RASSF2: variants seen among roughly 807,000 people sequenced by gnomAD.
The protein encoded by RASSF2 is ras association domain-containing protein 2.
RASSF2 carries 34 observed loss-of-function variants against 46.3 expected under a neutral mutation model. The ratio of observed to expected loss-of-function variants is 0.73; its 90% CI spans 0.56 to 0.98. RASSF2 has a LOEUF of 0.98. Among genes scored for constraint, RASSF2 ranks in the 50% least tolerant of loss-of-function variants. The pLI, the probability that RASSF2 is intolerant of heterozygous loss-of-function variation, is 0.00. For synonymous variants in RASSF2, 158 were observed against 162.5 expected, an observed-to-expected ratio of 0.97 and a Z score of 0.21; for missense variants, 364 against 431.2, an observed-to-expected ratio of 0.84 and a Z score of 1.38.
At chr20:4,792,800 G>A (rs1311008825) in intron 5 of RASSF2, among the ~76,000 whole-genome samples, 173 bp from the exon 6 acceptor site, 3 of 152,312 alleles carry the variant, frequency 2.0e-5, no homozygotes, top group East Asian at 1.9e-4. Flanking sequence ...GGAGCATCCC[G>A]TGAAAGGCTG....
chr20:4,787,112 C>T (rs540836472), intron 10 of RASSF2, among the ~76,000 whole-genome samples: 15 of 152,070 alleles, frequency 9.9e-5, no homozygotes, highest in Non-Finnish European at 1.9e-4. Context: ...GAATCCCCAC[C>T]CTGCTCTATC....
chr20:4,786,648 G>A (rs921964268), intron 10 of RASSF2, among the ~76,000 whole-genome samples: 1 of 152,262 alleles, frequency 6.6e-6, no homozygotes, highest in Non-Finnish European at 1.5e-5. Context: ...AACCCATTAT[G>A]TTTAATAAAC....
Position 4,784,171 on chromosome 20 carries a change from T to G in RASSF2, c.*102A>C, listed in dbSNP as rs1601076222. Reference sequence around the variant, plus strand: ...GATGGCTTGGCCGGAGCTGGGGAGGTTTGTGTCTAAATGTTTCCATGGAAA... The same window carrying G: ...GATGGCTTGGCCGGAGCTGGGGAGGGTTGTGTCTAAATGTTTCCATGGAAA... On this transcript the variant is annotated 3_prime_UTR_variant, in exon 12 of 12. Transcript: ENST00000379400. 1 of 1,214,008 alleles carries G rather than the reference T, an allele frequency of 8.2e-7. No individual in the cohort carries two copies. Among genetic ancestry groups the G allele is most frequent in the Non-Finnish European group, 1.2e-6 (1 of 826,134 alleles). 75.2% of individuals were successfully genotyped at this position (1,214,008 alleles called of 1,614,324 possible).
rs143048396 is a variant in RASSF2, at chr20:4,803,124, C to T, written c.-32-2062G>A. ...TGGGGTTTTGCCATGTTGCCCAGGC[C>T]GGTCTTGAACTCCTGGACTCAAGCA... is the stretch of plus-strand genomic sequence containing the variant. On this transcript the variant is annotated intron_variant, in intron 2 of 11. Coordinates refer to ENST00000379400, the MANE Select transcript of RASSF2 (RefSeq NM_014737.3). Among the ~76,000 whole-genome samples the T allele has an allele frequency of 2.7e-3, 410 of 151,904 alleles. 2 individuals are homozygous for T. Among genetic ancestry groups the T allele is most frequent in the African/African-American group, 8.4e-3 (348 of 41,426 alleles).
intron 11 of RASSF2, 39 bp from the exon 12 acceptor site, chr20:4,784,381 C>A (rs751809024): frequency 6.3e-7 from 1 of 1,589,960 alleles, no homozygotes; most frequent in Admixed American, 1.7e-5. Flanking sequence ...GAGCAGCCAG[C>A]AACACACCCC....
chr20:4,821,445 G>A (rs1027541486), intron 2 of RASSF2, among the ~76,000 whole-genome samples: 7 of 152,130 alleles, frequency 4.6e-5, no homozygotes, highest in Non-Finnish European at 1.0e-4. Context: ...AGGAAGGCAC[G>A]AAAAGGGACC....
At chr20:4,794,498 C>T (rs1452972674) in intron 5 of RASSF2, among the ~76,000 whole-genome samples, 1 of 151,750 alleles carries the variant, frequency 6.6e-6, no homozygotes, top group African/African-American at 2.4e-5. Flanking sequence ...ACCCGAGAGG[C>T]AGAGGTTGCA....
Position 4,782,254 on chromosome 20 carries a change from G to A in RASSF2, c.*2019C>T, listed in dbSNP as rs965421675. ...GCTAGTGGTTAGTAGTTTGCTTTGT[G>A]GAAATTCTTCTCCCAAGTCCTCCAA... On this transcript the variant is annotated 3_prime_UTR_variant, in exon 12 of 12. Transcript: ENST00000379400. 1.3e-5 allele frequency: 2 copies of A among 152,608 alleles called. No homozygotes were observed. Among genetic ancestry groups the A allele is most frequent in the Admixed American group, 1.3e-4 (2 of 15,286 alleles). 9.5% of individuals were successfully genotyped at this position (152,608 alleles called of 1,614,324 possible). A position where few individuals can be genotyped will look rare whatever the true frequency, so the allele number is the denominator to read the frequency against.
At chr20:4,814,481 G>A (rs2423038) in intron 2 of RASSF2, among the ~76,000 whole-genome samples, 52,060 of 151,966 alleles carry the variant, frequency 0.34, 8,956 homozygotes, top group Admixed American at 0.41. Context: ...CTCTGTGTGC[G>A]GAGATCTTGA....
intron 11 of RASSF2, among the ~76,000 whole-genome samples, chr20:4,785,034 G>A (rs1222206225): frequency 1.3e-5 from 2 of 152,016 alleles, no homozygotes; most frequent in African/African-American, 4.8e-5. Flanking sequence ...AGTTGGCTGG[G>A]CATGGTGGCT....
chr20:4,787,744 C>T lies in RASSF2; in HGVS notation c.702G>A (p.Lys234=), dbSNP rs745715627. The change falls in exon 10 of 12, where the codon AAG becomes AAA. Residue 234 remains lysine, a synonymous_variant. Transcript: ENST00000379400. ...YVVHTSGEKQ[K]LKATDYPLIA... Reference sequence around the variant, plus strand: ...TCAGCGGGTAATCGGTGGCCTTCAGCTTCTGTTTCTCTGCAACCACACACA... The same window carrying T: ...TCAGCGGGTAATCGGTGGCCTTCAGTTTCTGTTTCTCTGCAACCACACACA... 1.2e-6 allele frequency: 2 copies of T among 1,614,156 alleles called. No individual in the cohort carries two copies. Among genetic ancestry groups the T allele is most frequent in the South Asian group, 2.2e-5 (2 of 91,086 alleles).
At position 4,784,014 on chromosome 20, in the gene RASSF2, A is replaced by G; in HGVS notation, c.*259T>C. ...GGACACGTACCATGTGTGCACACAC[A>G]TGTACACACACACATTTTGGGTCCT... On this transcript the variant is annotated 3_prime_UTR_variant, in exon 12 of 12. Transcript: ENST00000379400. 1.9e-6 allele frequency: 1 copy of G among 530,734 alleles called. No homozygotes were observed. 32.9% of individuals were successfully genotyped at this position (530,734 alleles called of 1,614,324 possible). A position where few individuals can be genotyped will look rare whatever the true frequency, so the allele number is the denominator to read the frequency against.
intron 2 of RASSF2, among the ~76,000 whole-genome samples, chr20:4,813,213 C>G (rs186985064): frequency 6.6e-6 from 1 of 152,206 alleles, no homozygotes; most frequent in South Asian, 2.1e-4. Flanking sequence ...GGCAAGCTAC[C>G]GCACTCCCAT....
At position 4,788,258 on chromosome 20, in the gene RASSF2, G is replaced by T; in HGVS notation, c.650C>A (p.Ser217Ter). ...LLLNKFKIEN[S>*]AEEFALYVVH... ...CACGTACAAGGCAAACTCCTCTGCT[G>T]AATTCTCAATCTGAAGCAGGAGCAA... is the stretch of plus-strand genomic sequence containing the variant. Residue 217 changes from serine (S) to a stop codon, truncating the protein, a stop_gained, in exon 9 of 12, where the codon TCA (serine) becomes TAA (stop). Coordinates refer to ENST00000379400, the MANE Select transcript of RASSF2 (RefSeq NM_014737.3). LOFTEE classifies it high-confidence loss of function. 1 of 1,608,486 alleles carries T rather than the reference G, an allele frequency of 6.2e-7. No homozygotes were observed. Among genetic ancestry groups the T allele is most frequent in the Non-Finnish European group, 8.5e-7 (1 of 1,174,806 alleles).
intron 2 of RASSF2, among the ~76,000 whole-genome samples, chr20:4,820,684 G>A (rs1928631964): frequency 6.6e-6 from 1 of 152,078 alleles, no homozygotes; most frequent in Non-Finnish European, 1.5e-5. Context: ...CCCAGCTGTG[G>A]CAGTTCTCAG....
At chr20:4,809,358 T>C (rs1019659283) in intron 2 of RASSF2, among the ~76,000 whole-genome samples, 2 of 151,814 alleles carry the variant, frequency 1.3e-5, no homozygotes, top group Admixed American at 1.3e-4. Context: ...GTGCCCATGC[T>C]CCCCCTCAGA....
chr20:4,799,424 G>A (rs990395541), intron 3 of RASSF2, among the ~76,000 whole-genome samples: 4 of 152,198 alleles, frequency 2.6e-5, no homozygotes, highest in Admixed American at 1.3e-4. Flanking sequence ...GCCACTGTGC[G>A]CTTTTGTCTA....
At chr20:4,802,908 A>AT (rs1927006470) in intron 2 of RASSF2, among the ~76,000 whole-genome samples, 3 of 77,146 alleles carry the variant, frequency 3.9e-5, no homozygotes, top group African/African-American at 1.4e-4. Context: ...ATATATATAT[A>AT]TATATATTTT....
At chr20:4,789,830 G>A (rs1037578262) in intron 7 of RASSF2, 133 bp from the exon 8 acceptor site, 2 of 705,112 alleles carry the variant, frequency 2.8e-6, no homozygotes, top group Non-Finnish European at 4.8e-6. Context: ...AGACTGGCAA[G>A]CAGCAGGCTT....
Sources: allele counts gnomAD v4.1 joint callset (sites outside exome capture counted in the v4.1 genomes callset), GRCh38; gene constraint gnomAD v4.1.1; transcripts MANE v1.5; gene names NCBI Gene and HGNC (gene_info 2026-07-23, HGNC 2026-07-21).